The following CDC42BPB variants were observed in gnomAD, a reference collection of about 807,000 sequenced individuals.
The protein encoded by CDC42BPB is CDC42 binding protein kinase beta, also known as serine/threonine-protein kinase MRCK beta.
Under a neutral mutation model 214.9 loss-of-function variants are expected in CDC42BPB, and 37 were observed. The observed-to-expected ratio is 0.17, with a 90% CI of 0.13 to 0.23. The LOEUF (loss-of-function observed/expected upper bound fraction) is 0.23, where lower values mean the gene tolerates loss of function less well. Ranked by LOEUF, CDC42BPB falls within the 10% of genes least tolerant of loss-of-function variation. The pLI is 1.00. For synonymous variants in CDC42BPB, 931 were observed against 884.0 expected, an observed-to-expected ratio of 1.05 and a Z score of -0.94; for missense variants, 1,694 against 2,227.0, an observed-to-expected ratio of 0.76 and a Z score of 4.82.
At chr14:102,940,800 T>C (rs1891857144) in intron 30 of CDC42BPB, 1 of 218,662 alleles carries the variant, frequency 4.6e-6, no homozygotes, top group Non-Finnish European at 9.3e-6. Flanking sequence ...GCAACAACCC[T>C]GCCTGTCTGC....
chr14:102,964,645 C>T lies in CDC42BPB; in HGVS notation c.2583G>A (p.Pro861=), dbSNP rs142014338. 61 of 1,610,800 alleles carry T rather than the reference C, an allele frequency of 3.8e-5. No homozygotes were observed. The highest frequency in any genetic ancestry group is 5.0e-5 in the Admixed American group (3 of 59,628). Residue 861 remains proline (P), a synonymous_variant, in exon 19 of 37, where the codon CCG becomes CCA. Coordinates refer to ENST00000361246, the MANE Select transcript of CDC42BPB (RefSeq NM_006035.4). ...SSSLGSRTLD[P]LWKVRRSQKL... is the part of the protein sequence containing the mutation. The stretch of plus-strand genomic sequence containing the variant: ...TCTGGCTGCGGCGCACCTTCCACAG[C>T]GGGTCCTTGAGACACGGTCATGGCG...
intron 1 of CDC42BPB, among the ~76,000 whole-genome samples, chr14:103,037,967 T>C (rs1324967096): frequency 2.0e-5 from 3 of 147,080 alleles, no homozygotes; most frequent in Non-Finnish European, 1.5e-5. Context: ...AGACGGAGCT[T>C]GCAGTGAGCC....
At chr14:102,986,368 G>T (rs564312455) in intron 6 of CDC42BPB, 119 bp downstream of exon 6, 33 of 632,230 alleles carry the variant, frequency 5.2e-5, no homozygotes, top group Non-Finnish European at 8.2e-5. Context: ...TCTCCAAAAT[G>T]GATTCATTTT....
At chr14:103,043,225 G>C (rs938241938) in intron 1 of CDC42BPB, among the ~76,000 whole-genome samples, 20 of 151,994 alleles carry the variant, frequency 1.3e-4, no homozygotes, top group African/African-American at 4.6e-4. Flanking sequence ...GCTTGAGAGA[G>C]AGAGCAAGAC....
chr14:103,031,832 T>C (rs921124268), intron 1 of CDC42BPB, among the ~76,000 whole-genome samples: 2 of 152,158 alleles, frequency 1.3e-5, no homozygotes, highest in South Asian at 2.1e-4. Context: ...ATCACTCACA[T>C]GGGTGGACAA....
chr14:103,052,412 G>A (rs780811342), intron 1 of CDC42BPB, among the ~76,000 whole-genome samples: 1 of 152,062 alleles, frequency 6.6e-6, no homozygotes, highest in Non-Finnish European at 1.5e-5. Flanking sequence ...TATTTGAGCC[G>A]GGCACAGTGG....
intron 1 of CDC42BPB, among the ~76,000 whole-genome samples, chr14:103,026,123 C>A (rs912632006): frequency 1.3e-5 from 2 of 151,944 alleles, no homozygotes; most frequent in East Asian, 3.9e-4. Context: ...CACGGCTGGG[C>A]GTGGTGGCTC....
chr14:102,954,155 TA>T (rs1228775577), intron 23 of CDC42BPB, 42 bp downstream of exon 23: 2 of 1,258,586 alleles, frequency 1.6e-6, no homozygotes, highest in Non-Finnish European at 2.3e-6. Flanking sequence ...AATAAACAAC[TA>T]AATAACTAAG....
At chr14:103,049,681 C>G (rs1888499861) in intron 1 of CDC42BPB, among the ~76,000 whole-genome samples, 1 of 152,200 alleles carries the variant, frequency 6.6e-6, no homozygotes, top group Non-Finnish European at 1.5e-5. Context: ...AAAATCACCC[C>G]ATGGGGCATG....
intron 27 of CDC42BPB, among the ~76,000 whole-genome samples, chr14:102,947,283 T>C (rs763894142): frequency 1.3e-5 from 2 of 152,120 alleles, no homozygotes; most frequent in Non-Finnish European, 2.9e-5. Context: ...TCTAGGAACG[T>C]CCTAATGCTA....
intron 1 of CDC42BPB, among the ~76,000 whole-genome samples, chr14:103,041,217 A>C (rs1381041035): frequency 6.6e-6 from 1 of 152,264 alleles, no homozygotes; most frequent in Non-Finnish European, 1.5e-5. Context: ...GGAACTGGTT[A>C]TCTGCGTGCA....
chr14:103,015,909 G>C (rs1410258248), intron 1 of CDC42BPB, among the ~76,000 whole-genome samples: 1 of 151,696 alleles, frequency 6.6e-6, no homozygotes, highest in Non-Finnish European at 1.5e-5. Flanking sequence ...GTAGAGACAG[G>C]GTTTCACTAT....
chr14:103,018,237 G>C (rs1187338717), intron 1 of CDC42BPB, among the ~76,000 whole-genome samples: 1 of 152,234 alleles, frequency 6.6e-6, no homozygotes, highest in Non-Finnish European at 1.5e-5. Flanking sequence ...GTTCCTAACA[G>C]ACCATGGAGC....
intron 5 of CDC42BPB, among the ~76,000 whole-genome samples, chr14:102,995,796 C>T (rs1028636236): frequency 2.0e-5 from 3 of 152,218 alleles, no homozygotes; most frequent in Non-Finnish European, 2.9e-5. Flanking sequence ...TTGGCCACAC[C>T]GTAACATCGG....
At chr14:102,938,534 G>C (rs1361103626) in intron 34 of CDC42BPB, 123 bp from the exon 35 acceptor site, 2 of 1,434,024 alleles carry the variant, frequency 1.4e-6, no homozygotes, top group East Asian at 2.5e-5. Context: ...GGGGCCAAGA[G>C]GGCTCTCTGG....
intron 2 of CDC42BPB, among the ~76,000 whole-genome samples, chr14:103,010,404 C>T (rs905100134): frequency 6.6e-6 from 1 of 152,174 alleles, no homozygotes; most frequent in South Asian, 2.1e-4. Flanking sequence ...CACGATGGGA[C>T]GAGCCTTGCA....
intron 1 of CDC42BPB, among the ~76,000 whole-genome samples, chr14:103,025,711 G>C (rs1031919381): frequency 2.6e-5 from 4 of 151,490 alleles, no homozygotes; most frequent in African/African-American, 9.7e-5. Context: ...CCAGCTACTA[G>C]GGAGGCTGAG....
At chr14:103,054,302 T>C (rs984279535) in intron 1 of CDC42BPB, among the ~76,000 whole-genome samples, 1 of 152,240 alleles carries the variant, frequency 6.6e-6, no homozygotes, top group Non-Finnish European at 1.5e-5. Context: ...ATAATTGTCA[T>C]TAGATACCTG....
At chr14:102,937,757 A>G (rs1360154309) in intron 36 of CDC42BPB, among the ~76,000 whole-genome samples, 1 of 152,256 alleles carries the variant, frequency 6.6e-6, no homozygotes, top group African/African-American at 2.4e-5. Context: ...AGGTCAGCCC[A>G]GACCAAAGAG....
Sources: allele counts gnomAD v4.1 joint callset (sites outside exome capture counted in the v4.1 genomes callset), GRCh38; gene constraint gnomAD v4.1.1; transcripts MANE v1.5; gene names NCBI Gene and HGNC (gene_info 2026-07-23, HGNC 2026-07-21).